The following MFSD12 variants were observed in gnomAD, a reference collection of about 807,000 sequenced individuals.
MFSD12 encodes the protein major facilitator superfamily domain containing 12.
In MFSD12, 67 loss-of-function variants were observed where a neutral mutation model predicts 51.2. The ratio of observed to expected loss-of-function variants is 1.31; its 90% CI spans 1.08 to 1.60. The LOEUF is 1.60. Ranked by LOEUF, MFSD12 falls within the 40% of genes most tolerant of loss-of-function variation. The pLI, the probability that MFSD12 is intolerant of heterozygous loss-of-function variation, is 0.00. For synonymous variants in MFSD12, 441 were observed against 316.7 expected, an observed-to-expected ratio of 1.39 and a Z score of -4.17; for missense variants, 921 against 673.0, an observed-to-expected ratio of 1.37 and a Z score of -4.08.
chr19:3,547,663 T>C (rs1256118694), intron 4 of MFSD12, 116 bp from the exon 5 acceptor site: 3 of 1,181,012 alleles, frequency 2.5e-6, no homozygotes, highest in Admixed American at 2.2e-5. Flanking sequence ...GATCCATTGG[T>C]AGTGACTGCC....
At chr19:3,539,354 C>T (rs528282838), downstream of MFSD12, 366 of 727,368 alleles carry the variant, frequency 5.0e-4, 1 homozygote, top group African/African-American at 6.1e-3. Context: ...GGGTCTTGCA[C>T]GTGTCACTCG....
At chr19:3,541,735 A>G, downstream of MFSD12, 1 of 985,318 alleles carries the variant, frequency 1.0e-6, no homozygotes, top group Non-Finnish European at 1.2e-6. Flanking sequence ...AAACACCAGA[A>G]AGTAGTGAGT....
intron 1 of MFSD12, among the ~76,000 whole-genome samples, chr19:3,552,224 G>C (rs1555698759): frequency 6.6e-6 from 1 of 151,278 alleles, no homozygotes; most frequent in Non-Finnish European, 1.5e-5. Flanking sequence ...CTGGAGTGCA[G>C]TGGCGAGATC....
chr19:3,546,053 T>C (rs200272369), intron 8 of MFSD12, 21 bp downstream of exon 8: 62 of 1,611,382 alleles, frequency 3.8e-5, no homozygotes, highest in South Asian at 2.2e-4. Flanking sequence ...AAAGAATGAA[T>C]GAACGAACAG....
downstream of MFSD12, chr19:3,543,491 C>CCCT (rs756313696): frequency 2.0e-6 from 3 of 1,515,686 alleles, 1 homozygote; most frequent in African/African-American, 4.2e-5. Context: ...CCCCCCCCCC[C>CCCT]GCCCTGGGCA....
downstream of MFSD12, chr19:3,540,031 C>G (rs1051266896): frequency 1.3e-5 from 2 of 151,342 alleles, no homozygotes; most frequent in Non-Finnish European, 2.9e-5. Context: ...ACAGGAGGAT[C>G]ACTTGAGCCC....
In MFSD12 at chr19:3,544,210, C is replaced by CT. The variant is rs759002191; in HGVS notation, c.*499dup. 18 of 1,338,804 alleles carry CT rather than the reference C, an allele frequency of 1.3e-5. No individual in the cohort carries two copies. The African/African-American group carries it at 2.5e-4, about 19-fold the overall frequency. The allele number at this position is 1,338,804 out of a possible 1,614,324, so 82.9% of individuals were successfully genotyped here. ...GACAGGAGCCAGGCTGCCGTCATCT[C>CT]TTTATTTGCTGCCAGCAGAGTCCAC... On this transcript the variant is annotated 3_prime_UTR_variant, in exon 10 of 10. Coordinates refer to ENST00000355415, the MANE Select transcript of MFSD12 (RefSeq NM_174983.5).
rs746795748 is a variant in MFSD12 at position 3,550,979 on chromosome 19, C to T, written c.509+5G>A. Reference sequence around the variant, plus strand: ...GCCCGTGGGGGAGGGTGCCCAGGCTCCCACCTGAGTGCCGTGAGCTCCACC... The same window carrying T: ...GCCCGTGGGGGAGGGTGCCCAGGCTTCCACCTGAGTGCCGTGAGCTCCACC... On this transcript the variant is annotated splice_donor_5th_base_variant and intron_variant, in intron 2 of 9. Transcript: ENST00000355415. 9.3e-6 allele frequency: 15 copies of T among 1,609,840 alleles called. No individual in the cohort carries two copies. The Admixed American group carries it at 2.5e-4, about 27-fold the overall frequency.
downstream of MFSD12, chr19:3,541,769 G>C (rs1005079501): frequency 2.0e-6 from 2 of 985,278 alleles, no homozygotes; most frequent in African/African-American, 3.5e-5. Flanking sequence ...GGGGCCGACA[G>C]CAGGGGTGAG....
chr19:3,550,671 T>A (rs145470074), intron 2 of MFSD12, among the ~76,000 whole-genome samples: 6,443 of 152,124 alleles, frequency 0.042, 340 homozygotes, highest in African/African-American at 0.13. Flanking sequence ...ATTACAGGTG[T>A]GAGCCATGCC....
rs563708011 is a variant in MFSD12, at chr19:3,547,634, C to T, written c.838-87G>A. The T allele has an allele frequency of 2.4e-5, 31 of 1,296,448 alleles. No homozygotes were observed. The East Asian group carries it at 4.3e-4, about 18-fold the overall frequency. The allele number at this position is 1,296,448 out of a possible 1,614,324, so 80.3% of individuals were successfully genotyped here. ...CAGGGGGCACCGGGGCCAGGGTGGG[C>T]GCCCTGCAGCTGGCATTTGATCCAT... is the stretch of plus-strand genomic sequence containing the variant. On this transcript the variant is annotated intron_variant, in intron 4 of 9. Transcript: ENST00000355415.
At chr19:3,543,240 A>C (rs1599813729), downstream of MFSD12, 4 of 1,543,474 alleles carry the variant, frequency 2.6e-6, no homozygotes, top group Non-Finnish European at 3.5e-6. Flanking sequence ...CTCAGCGATG[A>C]CTACCTGTCC....
In MFSD12 at chr19:3,546,117, T is replaced by C; in HGVS notation, c.1246A>G (p.Asn416Asp). 3 of 1,613,370 alleles carry C rather than the reference T, an allele frequency of 1.9e-6. No individual in the cohort carries two copies. Among genetic ancestry groups the C allele is most frequent in the Non-Finnish European group, 2.5e-6 (3 of 1,180,006 alleles). Residue 416 changes from asparagine to aspartate, a missense_variant, in exon 8 of 10, where the codon AAT becomes GAT. Coordinates refer to ENST00000355415, the MANE Select transcript of MFSD12 (RefSeq NM_174983.5). The stretch of plus-strand genomic sequence containing the variant: ...TGGATGGCCATGACTGCCAGCCCAT[T>C]GGCCACCTTATCCAAGAAGCTCATG... ...GSMSFLDKVA[N>D]GLAVMAIQSL...
downstream of MFSD12, chr19:3,543,696 G>C (rs2030659217): frequency 3.3e-6 from 5 of 1,519,508 alleles, no homozygotes; most frequent in Non-Finnish European, 4.4e-6. Flanking sequence ...GCTAGGTGCA[G>C]GGTGGGTCCT....
At chr19:3,547,044 T>C (rs1397822812) in intron 6 of MFSD12, among the ~76,000 whole-genome samples, 3 of 152,162 alleles carry the variant, frequency 2.0e-5, no homozygotes, top group South Asian at 4.1e-4. Flanking sequence ...TTCACCGTGT[T>C]AGCCAGGATG....
chr19:3,550,446 C>T (rs1200523197), intron 2 of MFSD12, among the ~76,000 whole-genome samples: 1 of 151,274 alleles, frequency 6.6e-6, no homozygotes, highest in Admixed American at 6.6e-5. Flanking sequence ...GGCTGGAGTG[C>T]AGTGGCGCTA....
At chr19:3,542,033 C>G (rs953030330), downstream of MFSD12, 4 of 645,832 alleles carry the variant, frequency 6.2e-6, no homozygotes, top group African/African-American at 7.9e-5. Flanking sequence ...TGGTCTCGAA[C>G]TCCTGACCTC....
downstream of MFSD12, chr19:3,543,538 C>T (rs369486578): frequency 7.0e-4 from 1,068 of 1,516,468 alleles, 1 homozygote; most frequent in Middle Eastern, 1.6e-3. Flanking sequence ...TGACCGCCAG[C>T]CCCCGCCCCA....
At position 3,546,287 on chromosome 19, in the gene MFSD12, C is replaced by T. The variant is rs779653588; in HGVS notation, c.1162G>A (p.Ala388Thr). The part of the protein sequence containing the change: ...GCATILVTSL[A>T]MTADLIGPHT... ...GGACCGATGAGGTCGGCCGTCATGG[C>T]CAGCGAGGTGACGAGGATGGTGGCA... The change falls in exon 7 of 10, where the codon GCC becomes ACC. Residue 388 changes from alanine to threonine, a missense_variant. Ala to Thr is a moderately conservative substitution (Grantham distance 58). Coordinates refer to ENST00000355415, the MANE Select transcript of MFSD12 (RefSeq NM_174983.5). 1.2e-5 allele frequency: 19 copies of T among 1,610,248 alleles called. No individual in the cohort carries two copies. In the Admixed American group the frequency reaches 3.0e-4, roughly 26 times the overall value.
Sources: allele counts gnomAD v4.1 joint callset (sites outside exome capture counted in the v4.1 genomes callset), GRCh38; gene constraint gnomAD v4.1.1; transcripts MANE v1.5; gene names NCBI Gene and HGNC (gene_info 2026-07-23, HGNC 2026-07-21).